The following PDE1C variants were observed in gnomAD, a reference collection of about 807,000 sequenced individuals.
PDE1C encodes dual specificity calcium/calmodulin-dependent 3',5'-cyclic nucleotide phosphodiesterase 1C.
Under a neutral mutation model 93.1 loss-of-function variants are expected in PDE1C, and 62 were observed. That is an observed-to-expected ratio of 0.67 (90% CI 0.54 to 0.82). The LOEUF (loss-of-function observed/expected upper bound fraction) is 0.82, where lower values mean the gene tolerates loss of function less well. PDE1C is among the 40% of genes least tolerant of loss of function. The pLI, the probability that PDE1C is intolerant of heterozygous loss-of-function variation, is 0.00. For missense variants in PDE1C, 742 were observed against 884.6 expected, an observed-to-expected ratio of 0.84 and a Z score of 2.04; for synonymous variants, 325 against 310.1, an observed-to-expected ratio of 1.05 and a Z score of -0.50.
intron 7 of PDE1C, among the ~76,000 whole-genome samples, chr7:31,855,132 A>T (rs531869393): frequency 1.3e-5 from 2 of 151,486 alleles, no homozygotes; most frequent in South Asian, 4.2e-4. Context: ...TCAGAAGCCC[A>T]GGCCAGTGTG....
At chr7:32,330,692 AG>A (rs1783495460) in intron 1 of PDE1C, among the ~76,000 whole-genome samples, 1 of 152,170 alleles carries the variant, frequency 6.6e-6, no homozygotes, top group Non-Finnish European at 1.5e-5. Flanking sequence ...CCCGAGCCCC[AG>A]GCCATGATTC....
At chr7:32,269,549 G>A (rs775870208) in intron 1 of PDE1C, among the ~76,000 whole-genome samples, 5 of 151,982 alleles carry the variant, frequency 3.3e-5, no homozygotes, top group Admixed American at 6.6e-5. Flanking sequence ...GCACAGTCTC[G>A]GCTCACTGCA....
At chr7:32,108,054 C>G (rs1302226201) in intron 3 of PDE1C, among the ~76,000 whole-genome samples, 1 of 150,470 alleles carries the variant, frequency 6.6e-6, no homozygotes, top group African/African-American at 2.4e-5. Flanking sequence ...TAAATTAAAA[C>G]CAGAGAAGAC....
intron 1 of PDE1C, among the ~76,000 whole-genome samples, chr7:32,354,470 A>T (rs1388850115): frequency 6.6e-6 from 1 of 152,090 alleles, no homozygotes; most frequent in Non-Finnish European, 1.5e-5. Context: ...CACACAAAAA[A>T]ATTTTTTAAT....
intron 10 of PDE1C, 34 bp downstream of exon 10, chr7:31,837,836 T>C (rs1216300693): frequency 1.4e-6 from 2 of 1,476,376 alleles, no homozygotes; most frequent in East Asian, 2.3e-5. Context: ...CAAACACCTA[T>C]ACAAACAAAA....
chr7:32,313,498 C>G (rs1023045455), intron 1 of PDE1C, among the ~76,000 whole-genome samples: 5 of 151,908 alleles, frequency 3.3e-5, no homozygotes, highest in Admixed American at 2.0e-4. Context: ...GACTTGGAAC[C>G]AACCCAAATG....
the PDE1C span, chr7:31,687,070 A>G: frequency 3.3e-5 from 5 of 152,366 alleles, no homozygotes; most frequent in Admixed American, 2.0e-4. Context: ...GTAATGTACA[A>G]TGATTGCCGT....
intron 1 of PDE1C, among the ~76,000 whole-genome samples, chr7:32,305,625 C>T (rs1315889797): frequency 6.6e-6 from 1 of 152,240 alleles, no homozygotes; most frequent in East Asian, 1.9e-4. Flanking sequence ...CTTCTACACA[C>T]TTGTCAAGCC....
chr7:32,121,646 GAA>G (rs1221483438), intron 3 of PDE1C, among the ~76,000 whole-genome samples: 2 of 151,446 alleles, frequency 1.3e-5, no homozygotes, highest in Non-Finnish European at 3.0e-5. Context: ...CTTCATAAGT[GAA>G]GTGATTCCAG....
At chr7:31,657,127 CAAAT>C in the PDE1C span, among the ~76,000 whole-genome samples, 222 of 145,552 alleles carry the variant, frequency 1.5e-3, no homozygotes, top group Non-Finnish European at 2.6e-3. Context: ...TCATATATAT[CAAAT>C]ATATATAATC....
At chr7:32,206,092 G>C (rs151020003) in intron 2 of PDE1C, among the ~76,000 whole-genome samples, 1 of 152,078 alleles carries the variant, frequency 6.6e-6, no homozygotes, top group Non-Finnish European at 1.5e-5. Context: ...CCTGCTCAAC[G>C]CGGCACAGAA....
At chr7:32,144,882 T>C (rs911618392) in intron 3 of PDE1C, among the ~76,000 whole-genome samples, 4 of 152,028 alleles carry the variant, frequency 2.6e-5, no homozygotes, top group African/African-American at 9.7e-5. Flanking sequence ...TTCCATGCGT[T>C]AGCTCTAATT....
intron 1 of PDE1C, among the ~76,000 whole-genome samples, chr7:32,400,147 C>A (rs73093964): frequency 0.23 from 35,658 of 152,112 alleles, 5,040 homozygotes; most frequent in Admixed American, 0.36. Flanking sequence ...CCTGTATTCA[C>A]ACCGTATTAT....
chr7:31,774,164 A>C (rs1031484260), intron 17 of PDE1C, among the ~76,000 whole-genome samples: 4 of 152,326 alleles, frequency 2.6e-5, no homozygotes, highest in African/African-American at 9.6e-5. Flanking sequence ...CTGCTAATTG[A>C]ATTTTCACAC....
At chr7:32,357,645 C>T (rs1183751110) in intron 1 of PDE1C, among the ~76,000 whole-genome samples, 1 of 152,180 alleles carries the variant, frequency 6.6e-6, no homozygotes, top group Non-Finnish European at 1.5e-5. Context: ...ATCCCTCAAA[C>T]TCACTGTAAC....
intron 14 of PDE1C, among the ~76,000 whole-genome samples, chr7:31,819,424 G>A (rs2128729886): frequency 6.6e-6 from 1 of 152,142 alleles, no homozygotes; most frequent in East Asian, 1.9e-4. Flanking sequence ...CAGTTATTTT[G>A]TACATGCTCA....
chr7:32,335,218 G>C (rs1436490304), intron 1 of PDE1C, among the ~76,000 whole-genome samples: 1 of 152,214 alleles, frequency 6.6e-6, no homozygotes, highest in Non-Finnish European at 1.5e-5. Context: ...GTGGAAAGCA[G>C]AGAACGCAAG....
At chr7:31,965,239 T>C (rs193108256) in intron 2 of PDE1C, among the ~76,000 whole-genome samples, 1 of 152,012 alleles carries the variant, frequency 6.6e-6, no homozygotes, top group Non-Finnish European at 1.5e-5. Flanking sequence ...CTAACTAGAA[T>C]AACCAATGCA....
At chr7:31,697,160 CAGGTCA>C in the PDE1C span, 1 of 1,606,622 alleles carries the variant, frequency 6.2e-7, no homozygotes, top group Non-Finnish European at 8.5e-7. Context: ...GTGATGGGGA[CAGGTCA>C]AGAACCTTAC....
Sources: gnomAD v4.1 joint callset for allele counts (sites outside exome capture counted in the v4.1 genomes callset) on GRCh38, gnomAD v4.1.1 for gene constraint, MANE v1.5 for transcripts, NCBI Gene and HGNC (gene_info 2026-07-23, HGNC 2026-07-21) for gene names.